The following AP3D1 variants were observed in gnomAD, a reference collection of about 807,000 sequenced individuals.
AP3D1 encodes the protein AP-3 complex subunit delta-1.
In AP3D1, 51 loss-of-function variants were observed where a neutral mutation model predicts 147.6. The ratio of observed to expected loss-of-function variants is 0.35; its 90% confidence interval spans 0.28 to 0.44. The LOEUF is 0.44. AP3D1 is among the 20% of genes least tolerant of loss of function. The probability of loss-of-function intolerance (pLI) is 1.00; values close to 1 mark genes in which losing one functional copy is unlikely to be tolerated. For missense variants in AP3D1, 1,421 were observed against 1,624.2 expected, an observed-to-expected ratio of 0.87 and a Z score of 2.15; for synonymous variants, 760 against 663.0, an observed-to-expected ratio of 1.15 and a Z score of -2.25.
intron 4 of AP3D1, among the ~76,000 whole-genome samples, chr19:2,135,754 T>G (rs1219239185): frequency 3.3e-5 from 5 of 152,084 alleles, no homozygotes; most frequent in Non-Finnish European, 5.9e-5. Flanking sequence ...AAGTCCCCAG[T>G]GAGGTGCTCA....
At chr19:2,120,512 C>T (rs80146080) in intron 14 of AP3D1, among the ~76,000 whole-genome samples, 6,629 of 152,268 alleles carry the variant, frequency 0.044, 262 homozygotes, top group East Asian at 0.21. Flanking sequence ...TGCCACGCGC[C>T]CAGCTGGAAC....
In AP3D1 at chr19:2,116,187, C is replaced by A. The variant is rs748722741; in HGVS notation, c.2073+20G>T. The A allele has an allele frequency of 5.6e-6, 9 of 1,613,544 alleles. No homozygotes were observed. The East Asian group carries it at 1.3e-4, about 24-fold the overall frequency. On this transcript the variant is annotated intron_variant, in intron 18 of 31. Coordinates refer to ENST00000643116, the MANE Select transcript of AP3D1 (RefSeq NM_001261826.3). Reference sequence around the variant, plus strand: ...AGGGTAGAGGGTGCTGAGGGACAGGCACCCGGGGACGGGCCTCACCTTCTG... The same window carrying A: ...AGGGTAGAGGGTGCTGAGGGACAGGAACCCGGGGACGGGCCTCACCTTCTG...
At chr19:2,148,996 G>A (rs898194170) in intron 1 of AP3D1, among the ~76,000 whole-genome samples, 1 of 152,016 alleles carries the variant, frequency 6.6e-6, no homozygotes, top group Non-Finnish European at 1.5e-5. Flanking sequence ...GTGAGTGGGG[G>A]TGCTGGAGGT....
At chr19:2,151,987 C>G (rs1444285147), upstream of AP3D1, among the ~76,000 whole-genome samples, 2 of 152,248 alleles carry the variant, frequency 1.3e-5, no homozygotes, top group Non-Finnish European at 2.9e-5. Flanking sequence ...CCAAACCCAA[C>G]TCCTGGGTGG....
intron 29 of AP3D1, 118 bp from the exon 30 acceptor site, chr19:2,109,325 G>T: frequency 7.2e-7 from 1 of 1,380,732 alleles, no homozygotes; most frequent in Non-Finnish European, 9.7e-7. Flanking sequence ...GTGTGTCTGG[G>T]CCGGGAGGTC....
At chr19:2,125,970 G>C (rs2018744198) in intron 9 of AP3D1, among the ~76,000 whole-genome samples, 1 of 152,088 alleles carries the variant, frequency 6.6e-6, no homozygotes, top group African/African-American at 2.4e-5. Context: ...AACATAGTGA[G>C]ACCTTGTCTC....
At chr19:2,160,668 T>A (rs1000813118) in intron 1 of AP3D1, among the ~76,000 whole-genome samples, 23 of 152,160 alleles carry the variant, frequency 1.5e-4, no homozygotes, top group African/African-American at 5.3e-4. Context: ...TTAGCCCGGA[T>A]AACCTGTACT....
intron 9 of AP3D1, among the ~76,000 whole-genome samples, chr19:2,126,878 A>G (rs1025610929): frequency 2.6e-5 from 4 of 152,092 alleles, no homozygotes; most frequent in African/African-American, 4.8e-5. Context: ...TTTCATACCC[A>G]AGGGGACTCC....
intron 11 of AP3D1, 106 bp from the exon 12 acceptor site, chr19:2,121,985 G>T: frequency 1.5e-6 from 2 of 1,342,776 alleles, no homozygotes; most frequent in Non-Finnish European, 2.0e-6. Flanking sequence ...GAGGCTGCCT[G>T]GCCTTGGCAA....
intron 8 of AP3D1, among the ~76,000 whole-genome samples, chr19:2,128,418 G>A (rs894841326): frequency 7.9e-5 from 12 of 151,912 alleles, no homozygotes; most frequent in Admixed American, 5.2e-4. Flanking sequence ...GTACCGCACT[G>A]GGGCCGGGCT....
intron 18 of AP3D1, 60 bp downstream of exon 18, chr19:2,116,147 G>T: frequency 6.5e-7 from 1 of 1,547,380 alleles, no homozygotes. Context: ...TGGATGCCGC[G>T]GGGCTCGGGT....
At chr19:2,164,188 G>A in intron 1 of AP3D1, 1 of 1,252,760 alleles carries the variant, frequency 8.0e-7, no homozygotes. Context: ...CGCGGACATG[G>A]GGGAGAAGCT....
rs73512348 is a variant in AP3D1, at chr19:2,111,204, G to A, written c.2985+81C>T. The A allele has an allele frequency of 1.1e-3, 1,635 of 1,545,736 alleles. 13 individuals are homozygous for A. The African/African-American group carries it at 0.018, about 17-fold the overall frequency. ...GGTATACCAACATCCGGGAGCTGTG[G>A]GGGCTGCCCGGGTTCCGCGCGATCC... On this transcript the variant is annotated intron_variant, in intron 26 of 31. Coordinates refer to ENST00000643116, the MANE Select transcript of AP3D1 (RefSeq NM_001261826.3).
chr19:2,159,083 G>A (rs535819282), intron 1 of AP3D1, among the ~76,000 whole-genome samples: 6 of 151,864 alleles, frequency 4.0e-5, no homozygotes, highest in Non-Finnish European at 7.4e-5. Context: ...CTCCGACTCC[G>A]GGCTCAAGTG....
chr19:2,142,753 C>T (rs1475567760), intron 1 of AP3D1, among the ~76,000 whole-genome samples: 1 of 135,632 alleles, frequency 7.4e-6, no homozygotes, highest in Non-Finnish European at 1.7e-5. Flanking sequence ...GGGGTTTTTT[C>T]TGTTTTTTTT....
At chr19:2,108,624 G>T in intron 31 of AP3D1, 63 bp downstream of exon 31, 1 of 1,456,368 alleles carries the variant, frequency 6.9e-7, no homozygotes, top group Non-Finnish European at 9.4e-7. Context: ...GGGGATGAAG[G>T]CCTGGGCATG....
chr19:2,118,572 T>C, intron 15 of AP3D1, 29 bp downstream of exon 15: 1 of 1,583,970 alleles, frequency 6.3e-7, no homozygotes, highest in Non-Finnish European at 8.6e-7. Context: ...TCCCTGAGGC[T>C]CGGCCCAACA....
intron 1 of AP3D1, among the ~76,000 whole-genome samples, chr19:2,142,578 C>G (rs1044673780): frequency 2.0e-5 from 3 of 152,194 alleles, no homozygotes; most frequent in Admixed American, 2.0e-4. Context: ...CTGTCCAGTT[C>G]AAAGACCAAC....
intron 5 of AP3D1, 37 bp downstream of exon 5, chr19:2,132,434 A>G (rs760561531): frequency 1.9e-5 from 29 of 1,552,848 alleles, no homozygotes; most frequent in Non-Finnish European, 2.6e-5. Context: ...TTCCCAGAGC[A>G]GACATGCAGG....
Sources: gnomAD v4.1 joint callset for allele counts (sites outside exome capture counted in the v4.1 genomes callset) on GRCh38, gnomAD v4.1.1 for gene constraint, MANE v1.5 for transcripts, NCBI Gene and HGNC (gene_info 2026-07-23, HGNC 2026-07-21) for gene names.